Variants in PLCE1 observed in about 807,000 individuals in gnomAD.
PLCE1 encodes 1-phosphatidylinositol 4,5-bisphosphate phosphodiesterase epsilon-1.
PLCE1 carries 119 observed loss-of-function variants against 242.8 expected under a neutral mutation model. That is an observed-to-expected ratio of 0.49 (90% CI 0.42 to 0.57). PLCE1 has a LOEUF of 0.57. Among genes scored for constraint, PLCE1 ranks in the 20% least tolerant of loss-of-function variants. The pLI, the probability that PLCE1 is intolerant of heterozygous loss-of-function variation, is 0.00. For synonymous variants in PLCE1, 945 were observed against 1,017.4 expected (o/e 0.93, Z 1.35); for missense variants, 2,441 against 2,788.8 (o/e 0.88, Z 2.81).
chr10:94,248,274 C>G (rs1289398866), intron 8 of PLCE1, among the ~76,000 whole-genome samples: 2 of 152,154 alleles, frequency 1.3e-5, no homozygotes, highest in African/African-American at 2.4e-5. Flanking sequence ...TTACACAGAA[C>G]AAAGCCAGTT....
chr10:94,255,904 ACACACACACACTCTCTCTCT>A (rs2051058687), intron 11 of PLCE1, among the ~76,000 whole-genome samples: 2 of 98,896 alleles, frequency 2.0e-5, no homozygotes, highest in East Asian at 3.1e-4. Context: ...ACACACACAC[ACACACACACACTCTCTCTCT>A]CTCTCTCTCT....
intron 4 of PLCE1, among the ~76,000 whole-genome samples, chr10:94,220,205 TACACAC>T (rs113547850): frequency 1.4e-5 from 2 of 147,128 alleles, no homozygotes; most frequent in Admixed American, 1.4e-4. Context: ...CACACACACA[TACACAC>T]ACACACACAT....
intron 3 of PLCE1, among the ~76,000 whole-genome samples, chr10:94,141,331 T>C (rs1171618396): frequency 1.3e-5 from 2 of 152,236 alleles, no homozygotes; most frequent in Non-Finnish European, 2.9e-5. Context: ...ACACCCATTT[T>C]GAGCTGGGAG....
chr10:94,032,171 T>C lies in PLCE1; in HGVS notation c.1125T>C (p.Cys375=). 1 of 1,610,874 alleles carries C rather than the reference T, an allele frequency of 6.2e-7. No individual in the cohort carries two copies. Among genetic ancestry groups the C allele is most frequent in the Non-Finnish European group, 8.5e-7 (1 of 1,179,116 alleles). The change falls in exon 2 of 33, where the codon TGT becomes TGC. Residue 375 remains cysteine (C), a synonymous_variant. Coordinates refer to ENST00000371380, the MANE Select transcript of PLCE1 (RefSeq NM_016341.4). ...AGAGAAATGGTCCCTTACTGCCTTG[T>C]GGGAGAGTAATGGAACCCCCGTCAA... is the stretch of plus-strand genomic sequence containing the variant. ...DQKRNGPLLP[C]GRVMEPPSTV... is the part of the protein sequence containing the mutation.
intron 1 of PLCE1, among the ~76,000 whole-genome samples, chr10:94,008,278 A>C (rs141668970): frequency 6.6e-6 from 1 of 152,016 alleles, no homozygotes; most frequent in African/African-American, 2.4e-5. Context: ...AAAACAATAA[A>C]ACCTGCTTTC....
rs2054174766 is a variant in PLCE1, at chr10:94,332,733, T to C, written c.*4790T>C. The stretch of plus-strand genomic sequence containing the variant: ...TAGCTGATGAGTTTCTATTTTAAGC[T>C]GATTTTTCACCAGAAGTATAGTTTC... On this transcript the variant is annotated 3_prime_UTR_variant, in exon 33 of 33. Coordinates refer to ENST00000371380, the MANE Select transcript of PLCE1 (RefSeq NM_016341.4). The C allele has an allele frequency of 6.6e-6, 1 of 152,204 alleles. No individual in the cohort carries two copies. Among genetic ancestry groups the C allele is most frequent in the African/African-American group, 2.4e-5 (1 of 41,454 alleles). The allele number at this position is 152,204 out of a possible 1,614,324, so 9.4% of individuals were successfully genotyped here.
At chr10:94,077,276 AAT>A (rs1468395045) in intron 2 of PLCE1, among the ~76,000 whole-genome samples, 1 of 152,182 alleles carries the variant, frequency 6.6e-6, no homozygotes, top group African/African-American at 2.4e-5. Context: ...ACTGGCATCT[AAT>A]GGGTAGTGGC....
chr10:94,067,985 C>T (rs546996104), intron 2 of PLCE1, among the ~76,000 whole-genome samples: 11 of 152,258 alleles, frequency 7.2e-5, no homozygotes, highest in African/African-American at 2.6e-4. Flanking sequence ...AGGGGCTGAA[C>T]CCCCATGGTG....
intron 4 of PLCE1, among the ~76,000 whole-genome samples, chr10:94,187,146 A>ATGTGTGTGTGTGTGTGTGTGTG (rs372501153): frequency 3.4e-5 from 5 of 145,410 alleles, no homozygotes; most frequent in African/African-American, 1.3e-4. Flanking sequence ...TGAAACATAT[A>ATGTGTGTGTGTGTGTGTGTGTG]TGTGTGTGTG....
chr10:94,203,675 A>T (rs1171575825), intron 4 of PLCE1, among the ~76,000 whole-genome samples: 1 of 152,208 alleles, frequency 6.6e-6, no homozygotes, highest in Non-Finnish European at 1.5e-5. Flanking sequence ...TTGAGCCTAC[A>T]TAAGCAGAAA....
At chr10:94,275,420 G>T (rs1363011343) in intron 19 of PLCE1, among the ~76,000 whole-genome samples, 2 of 152,170 alleles carry the variant, frequency 1.3e-5, no homozygotes, top group Non-Finnish European at 2.9e-5. Flanking sequence ...ATCTGAAAAT[G>T]TGATTTCCAG....
chr10:94,324,798 G>A, intron 31 of PLCE1, 94 bp from the exon 32 acceptor site: 1 of 1,292,842 alleles, frequency 7.7e-7, no homozygotes, highest in South Asian at 1.2e-5. Context: ...CAAAGCTCTA[G>A]AGAGAAGAGG....
intron 8 of PLCE1, among the ~76,000 whole-genome samples, chr10:94,247,192 A>G (rs956523149): frequency 6.6e-6 from 1 of 151,896 alleles, no homozygotes; most frequent in Admixed American, 6.5e-5. Context: ...ATCTGCACTC[A>G]TAGGTGGTCC....
chr10:94,173,206 G>C (rs956010412), intron 4 of PLCE1, among the ~76,000 whole-genome samples: 1 of 152,160 alleles, frequency 6.6e-6, no homozygotes, highest in African/African-American at 2.4e-5. Flanking sequence ...CCTGGGCTTT[G>C]AATAACTATA....
chr10:94,147,864 CT>C (rs1468458412), intron 3 of PLCE1, among the ~76,000 whole-genome samples: 12 of 152,172 alleles, frequency 7.9e-5, no homozygotes, highest in African/African-American at 2.2e-4. Context: ...CCTGCCACCC[CT>C]GTTCTAGCTA....
intron 4 of PLCE1, among the ~76,000 whole-genome samples, chr10:94,223,683 T>C (rs2049841089): frequency 1.3e-5 from 2 of 152,172 alleles, no homozygotes; most frequent in Non-Finnish European, 2.9e-5. Context: ...CAGAACCTTC[T>C]GGGAGAGGTG....
At chr10:94,236,171 G>C (rs374899830) in intron 7 of PLCE1, 51 bp downstream of exon 7, 82 of 1,472,022 alleles carry the variant, frequency 5.6e-5, no homozygotes, top group Non-Finnish European at 7.4e-5. Flanking sequence ...CTTTTTTCCT[G>C]TTGATGAGTT....
chr10:94,280,049 C>A, intron 20 of PLCE1, 138 bp downstream of exon 20: 3 of 903,572 alleles, frequency 3.3e-6, no homozygotes, highest in Non-Finnish European at 5.4e-6. Context: ...TTTCTGAATT[C>A]AGTCACTTAG....
intron 3 of PLCE1, among the ~76,000 whole-genome samples, chr10:94,142,849 C>T (rs1590114575): frequency 6.6e-6 from 1 of 152,194 alleles, no homozygotes; most frequent in South Asian, 2.1e-4. Flanking sequence ...TGTGTAACTC[C>T]TTTAGCGAGA....
Sources: allele counts gnomAD v4.1 joint callset (sites outside exome capture counted in the v4.1 genomes callset), GRCh38; gene constraint gnomAD v4.1.1; transcripts MANE v1.5; gene names NCBI Gene and HGNC (gene_info 2026-07-23, HGNC 2026-07-21).